The following CTNNA3 variants were observed in gnomAD, a reference collection of about 807,000 sequenced individuals.
CTNNA3 encodes catenin alpha 3.
Under a neutral mutation model 95.7 loss-of-function variants are expected in CTNNA3, and 76 were observed. The observed-to-expected ratio is 0.79, with a 90% CI of 0.66 to 0.96. CTNNA3 has a LOEUF of 0.96. Among genes scored for constraint, CTNNA3 ranks in the 40% least tolerant of loss-of-function variants. The pLI, the probability that CTNNA3 is intolerant of heterozygous loss-of-function variation, is 0.00. For synonymous variants in CTNNA3, 431 were observed against 374.4 expected (o/e 1.15, Z -1.74); for missense variants, 1,191 against 1,089.8 (o/e 1.09, Z -1.31).
At chr10:66,589,206 A>G (rs1843464382) in intron 10 of CTNNA3, among the ~76,000 whole-genome samples, 1 of 151,822 alleles carries the variant, frequency 6.6e-6, no homozygotes, top group Non-Finnish European at 1.5e-5. Flanking sequence ...TATAAGGGTC[A>G]TTGGTCACAT....
intron 7 of CTNNA3, among the ~76,000 whole-genome samples, chr10:67,074,436 C>T (rs562275327): frequency 2.1e-3 from 311 of 147,914 alleles, no homozygotes; most frequent in African/African-American, 7.2e-3. Context: ...CTGCAAGCTC[C>T]ACCTCCCGGG....
At chr10:67,370,854 GA>G (rs2132700262) in intron 5 of CTNNA3, among the ~76,000 whole-genome samples, 1 of 150,576 alleles carries the variant, frequency 6.6e-6, no homozygotes, top group East Asian at 1.9e-4. Context: ...TACATGTTAA[GA>G]GGAAGTTTTT....
chr10:66,268,797 TG>T (rs1430744082), intron 13 of CTNNA3, among the ~76,000 whole-genome samples: 5 of 152,176 alleles, frequency 3.3e-5, no homozygotes, highest in African/African-American at 1.2e-4. Context: ...CATTGAGGTC[TG>T]GCCACCAAAC....
At chr10:66,238,228 G>A (rs1353110863) in intron 13 of CTNNA3, among the ~76,000 whole-genome samples, 3 of 151,908 alleles carry the variant, frequency 2.0e-5, no homozygotes, top group Non-Finnish European at 4.4e-5. Flanking sequence ...TTACTGAGGC[G>A]GGGAGAGGGG....
At chr10:66,398,251 A>C (rs1349820450) in intron 11 of CTNNA3, among the ~76,000 whole-genome samples, 1 of 151,932 alleles carries the variant, frequency 6.6e-6, no homozygotes, top group South Asian at 2.1e-4. Flanking sequence ...TTATGAAAAG[A>C]GTGGCATGAA....
intron 4 of CTNNA3, among the ~76,000 whole-genome samples, chr10:67,536,554 GAAGCTA>G (rs1840492355): frequency 6.6e-6 from 1 of 152,106 alleles, no homozygotes; most frequent in Non-Finnish European, 1.5e-5. Context: ...ATTCCAAGTA[GAAGCTA>G]ATATTGTCAT....
intron 5 of CTNNA3, among the ~76,000 whole-genome samples, chr10:67,447,032 G>C (rs976334276): frequency 6.6e-6 from 1 of 152,204 alleles, no homozygotes; most frequent in African/African-American, 2.4e-5. Flanking sequence ...GTGAACCCAG[G>C]AGGCAGAGCT....
intron 7 of CTNNA3, among the ~76,000 whole-genome samples, chr10:66,872,804 GCATAGTCCCCATAGGTAGTTTTTCAGCC>G (rs1307322161): frequency 1.3e-5 from 2 of 152,028 alleles, no homozygotes; most frequent in African/African-American, 4.8e-5. Flanking sequence ...GAGGCAGTGA[GCATAGTCCCCATAGGTAGTTTTTCAGCC>G]CATACTCCCC....
chr10:67,203,257 A>G (rs899827164), intron 6 of CTNNA3, among the ~76,000 whole-genome samples: 2 of 152,206 alleles, frequency 1.3e-5, no homozygotes, highest in South Asian at 2.1e-4. Context: ...CTGGTAGTGA[A>G]TAAGTCTCAC....
chr10:67,351,011 G>A (rs2394367), intron 5 of CTNNA3, among the ~76,000 whole-genome samples: 134,506 of 151,388 alleles, frequency 0.89, 60,854 homozygotes, highest in East Asian at 1. Context: ...ATGGTGATAC[G>A]CCCATAGTGT....
At chr10:67,376,560 G>A (rs900902988) in intron 5 of CTNNA3, among the ~76,000 whole-genome samples, 3 of 152,198 alleles carry the variant, frequency 2.0e-5, no homozygotes, top group African/African-American at 2.4e-5. Flanking sequence ...ATAGCTCACC[G>A]ATGCTCTGTG....
rs915411035 is a variant in CTNNA3, at chr10:66,932,792, T to C, written c.1048-157268A>G. Among the ~76,000 whole-genome samples the C allele has an allele frequency of 2.6e-5, 4 of 152,292 alleles. No individual in the cohort carries two copies. The South Asian group carries it at 8.3e-4, about 32-fold the overall frequency. ...CCCAAATTCTTTTAGCCTCCAAAAGTTGGTGATGATTTTGGATACTTAATA... is the reference window on the plus strand; with the variant it reads ...CCCAAATTCTTTTAGCCTCCAAAAGCTGGTGATGATTTTGGATACTTAATA... On this transcript the variant is annotated intron_variant, in intron 7 of 17. Coordinates refer to ENST00000433211, the MANE Select transcript of CTNNA3 (RefSeq NM_013266.4).
At chr10:67,012,086 A>G (rs1010335545) in intron 7 of CTNNA3, among the ~76,000 whole-genome samples, 3 of 152,238 alleles carry the variant, frequency 2.0e-5, no homozygotes, top group African/African-American at 7.2e-5. Flanking sequence ...CTCCGTAGAT[A>G]CAAGTCAAAC....
At chr10:67,082,664 T>C (rs58651501) in intron 7 of CTNNA3, among the ~76,000 whole-genome samples, 1,800 of 152,292 alleles carry the variant, frequency 0.012, 30 homozygotes, top group African/African-American at 0.041. Flanking sequence ...GATAGGAATA[T>C]GTTATTTCCA....
chr10:66,647,502 A>C (rs1327938880), intron 9 of CTNNA3, among the ~76,000 whole-genome samples: 1 of 136,698 alleles, frequency 7.3e-6, no homozygotes, highest in African/African-American at 2.8e-5. Flanking sequence ...GAGAGTTATA[A>C]AAATTACTCT....
At chr10:66,366,660 G>A (rs921337521) in intron 12 of CTNNA3, among the ~76,000 whole-genome samples, 1 of 152,120 alleles carries the variant, frequency 6.6e-6, no homozygotes, top group Non-Finnish European at 1.5e-5. Context: ...AGAACTGTGA[G>A]CAATAAATTT....
intron 3 of CTNNA3, among the ~76,000 whole-genome samples, chr10:67,549,654 C>T (rs1031425339): frequency 6.6e-6 from 1 of 152,096 alleles, no homozygotes; most frequent in African/African-American, 2.4e-5. Context: ...CCAAATCCAG[C>T]CTGCCCTGTT....
chr10:66,950,839 G>A (rs1020113961), intron 7 of CTNNA3, among the ~76,000 whole-genome samples: 1 of 152,126 alleles, frequency 6.6e-6, no homozygotes, highest in African/African-American at 2.4e-5. Flanking sequence ...TAGAGGCTTC[G>A]CACAGTGCAG....
intron 15 of CTNNA3, among the ~76,000 whole-genome samples, chr10:66,006,340 C>T (rs909286153): frequency 6.6e-6 from 1 of 152,028 alleles, no homozygotes; most frequent in East Asian, 1.9e-4. Flanking sequence ...TTCCCTTGTA[C>T]ATGGGAAAGT....
Sources: allele counts gnomAD v4.1 joint callset (sites outside exome capture counted in the v4.1 genomes callset), GRCh38; gene constraint gnomAD v4.1.1; transcripts MANE v1.5; gene names NCBI Gene and HGNC (gene_info 2026-07-23, HGNC 2026-07-21).